The following FHDC1 variants were observed in gnomAD, a reference collection of about 807,000 sequenced individuals.
FHDC1 encodes FH2 domain containing 1.
Under a neutral mutation model 52.6 loss-of-function variants are expected in FHDC1, and 25 were observed. That is an observed-to-expected ratio of 0.48 (90% CI 0.35 to 0.66). The LOEUF is 0.66. Ranked by LOEUF, FHDC1 falls within the 30% of genes least tolerant of loss-of-function variation. The pLI is 0.01. For missense variants in FHDC1, 1,459 were observed against 1,452.8 expected (o/e 1.00, Z -0.07); for synonymous variants, 616 against 581.5 (o/e 1.06, Z -0.85).
At chr4:152,943,695 AG>A in intron 2 of FHDC1, 140 bp downstream of exon 2, 1 of 1,059,928 alleles carries the variant, frequency 9.4e-7, no homozygotes, top group Non-Finnish European at 1.3e-6. Flanking sequence ...AATGCTAGGC[AG>A]GGTCTTTACG....
At chr4:152,927,902 T>C in the FHDC1 span, 42 of 1,386,198 alleles carry the variant, frequency 3.0e-5, no homozygotes, top group African/African-American at 4.3e-4. Context: ...GGTGAAGCTG[T>C]TGGCAGGAGC....
chr4:152,954,141 T>G, intron 3 of FHDC1, 76 bp from the exon 4 acceptor site: 1 of 1,302,898 alleles, frequency 7.7e-7, no homozygotes, highest in Non-Finnish European at 1.1e-6. Context: ...TGGAGGAGAT[T>G]TAATTTCCAC....
Position 152,976,600 on chromosome 4 carries a change from G to A in FHDC1, c.3309G>A (p.Glu1103=). 1.2e-6 allele frequency: 2 copies of A among 1,611,882 alleles called. No individual in the cohort carries two copies. Among genetic ancestry groups the A allele is most frequent in the Non-Finnish European group, 1.7e-6 (2 of 1,179,322 alleles). ...CCAAGAAGCGCCCAGAGTCTGCGGAGGGTCCCAGTGCCAACACGGAGGCCC... is the reference window on the plus strand; with the variant it reads ...CCAAGAAGCGCCCAGAGTCTGCGGAAGGTCCCAGTGCCAACACGGAGGCCC... ...RAPKKRPESA[E]GPSANTEAPL... is the part of the protein sequence containing the mutation. The change falls in exon 12 of 12, where the codon GAG becomes GAA. Residue 1103 remains glutamate, a synonymous_variant. Transcript: ENST00000511601.
chr4:152,949,262 G>A (rs935565453), intron 2 of FHDC1, among the ~76,000 whole-genome samples: 4 of 151,904 alleles, frequency 2.6e-5, no homozygotes, highest in Non-Finnish European at 4.4e-5. Flanking sequence ...GATAGCTTGC[G>A]GCCAGGAATT....
In FHDC1 at chr4:152,976,799, G is replaced by A. The variant is rs1740907134; in HGVS notation, c.*76G>A. ...TTCTGGGACGAGGATGGGGAAAGAG[G>A]CAGCATGTCTTTGTTACAGATAAAG... On this transcript the variant is annotated 3_prime_UTR_variant, in exon 12 of 12. Transcript: ENST00000511601. 2.1e-6 allele frequency: 3 copies of A among 1,434,216 alleles called. No individual in the cohort carries two copies. Among genetic ancestry groups the A allele is most frequent in the African/African-American group, 1.4e-5 (1 of 69,476 alleles). The allele number at this position is 1,434,216 out of a possible 1,614,324, so 88.8% of individuals were successfully genotyped here.
rs757984746 is a variant in FHDC1 at position 152,943,548 on chromosome 4, G to A, written c.491G>A (p.Arg164Gln). The change falls in exon 2 of 12, where the codon CGA (arginine) becomes CAA (glutamine). Residue 164 changes from arginine to glutamine, a missense_variant. By Grantham distance (43) the Arg-to-Gln change is conservative (BLOSUM62 1). This residue lies in a region of FHDC1 where 513 missense variants were observed against 581.5 expected (regional missense o/e 0.88). Transcript: ENST00000511601. ...RTLNSSFREA[R>Q]EEITILDAKR... is the part of the protein sequence containing the mutation. Reference sequence around the variant, plus strand: ...TTAAATTCATCCTTCAGAGAAGCTCGAGAAGAGGTAAGAATGCAAGGTGGA... The same window carrying A: ...TTAAATTCATCCTTCAGAGAAGCTCAAGAAGAGGTAAGAATGCAAGGTGGA... 3 of 1,610,984 alleles carry A rather than the reference G, an allele frequency of 1.9e-6. No individual in the cohort carries two copies. The highest frequency in any genetic ancestry group is 2.5e-6 in the Non-Finnish European group (3 of 1,178,448).
chr4:152,962,654 A>G (rs151258775), intron 6 of FHDC1, among the ~76,000 whole-genome samples, 160 bp from the exon 7 acceptor site: 60 of 152,360 alleles, frequency 3.9e-4, no homozygotes, highest in Non-Finnish European at 8.2e-4. Context: ...TGTGTTAGGT[A>G]TCCCATAGAA....
intron 1 of FHDC1, among the ~76,000 whole-genome samples, chr4:152,940,010 A>G (rs1183763186): frequency 6.6e-6 from 1 of 152,216 alleles, no homozygotes. Flanking sequence ...GCGTTCTCCT[A>G]GCGTACCTGG....
the FHDC1 span, among the ~76,000 whole-genome samples, chr4:152,930,997 A>ACACTCTTTCT: frequency 8.8e-6 from 1 of 113,146 alleles, no homozygotes; most frequent in Non-Finnish European, 1.9e-5. Flanking sequence ...ACACACACAC[A>ACACTCTTTCT]CTCTCTCTCT....
chr4:152,944,313 C>A (rs1342262958), intron 2 of FHDC1, among the ~76,000 whole-genome samples: 1 of 151,386 alleles, frequency 6.6e-6, no homozygotes, highest in Admixed American at 6.6e-5. Context: ...AGTTTAGAAA[C>A]TTGAAGAAAC....
chr4:152,977,756 A>G lies in FHDC1; in HGVS notation c.*1033A>G, dbSNP rs553735577. On this transcript the variant is annotated 3_prime_UTR_variant, in exon 12 of 12. Coordinates refer to ENST00000511601, the MANE Select transcript of FHDC1 (RefSeq NM_001371116.1). ...GTGTGAGCCACCACACTTGGCCAGT[A>G]TATCCTCAGTATGAAGATATTTTTA... 6 of 152,302 alleles carry G rather than the reference A, an allele frequency of 3.9e-5. No homozygotes were observed. The highest frequency in any genetic ancestry group is 7.2e-5 in the African/African-American group (3 of 41,558). 9.4% of individuals were successfully genotyped at this position (152,302 alleles called of 1,614,324 possible). A position where few individuals can be genotyped will look rare whatever the true frequency, so the allele number is the denominator to read the frequency against.
Position 152,943,146 on chromosome 4 carries a change from C to T in FHDC1, c.89C>T (p.Pro30Leu), listed in dbSNP as rs759971141. 33 of 1,613,814 alleles carry T rather than the reference C, an allele frequency of 2.0e-5. No individual in the cohort carries two copies. In the Admixed American group the frequency reaches 3.2e-4, roughly 15 times the overall value. Reference protein sequence around the residue: ...TAPGFMIGQTPPPAPPPPPPP... With the variant: ...TAPGFMIGQTLPPAPPPPPPP... ...CCTGGATTCATGATTGGGCAGACAC[C>T]TCCTCCAGCACCTCCTCCACCTCCT... The change falls in exon 2 of 12, where the codon CCT becomes CTT. Residue 30 changes from proline to leucine, a missense_variant. Pro to Leu is a moderately conservative substitution (Grantham distance 98). Coordinates refer to ENST00000511601, the MANE Select transcript of FHDC1 (RefSeq NM_001371116.1).
chr4:152,913,908 T>A, the FHDC1 span, among the ~76,000 whole-genome samples: 1 of 152,190 alleles, frequency 6.6e-6, no homozygotes, highest in African/African-American at 2.4e-5. Context: ...CTCGAACTCC[T>A]GACCTCAGGT....
intron 1 of FHDC1, among the ~76,000 whole-genome samples, chr4:152,936,755 G>C (rs1230706337): frequency 6.6e-6 from 1 of 152,266 alleles, no homozygotes; most frequent in South Asian, 2.1e-4. Context: ...GTCGCACCTG[G>C]GCGGTTGACT....
At chr4:152,916,577 A>T in the FHDC1 span, among the ~76,000 whole-genome samples, 55 of 139,178 alleles carry the variant, frequency 4.0e-4, no homozygotes, top group African/African-American at 1.2e-3. Flanking sequence ...TAATAACATT[A>T]AAAAAAAAAA....
the FHDC1 span, among the ~76,000 whole-genome samples, chr4:152,912,952 C>G: frequency 1.3e-5 from 2 of 152,120 alleles, no homozygotes; most frequent in Non-Finnish European, 2.9e-5. Flanking sequence ...TGAAGCTTAT[C>G]CTATAGAGTG....
At position 152,974,825 on chromosome 4, in the gene FHDC1, G is replaced by C; in HGVS notation, c.1534G>C (p.Ala512Pro). 6.3e-7 allele frequency: 1 copy of C among 1,590,528 alleles called. No homozygotes were observed. Among genetic ancestry groups the C allele is most frequent in the Non-Finnish European group, 8.6e-7 (1 of 1,164,934 alleles). Residue 512 changes from alanine (A) to proline (P), a missense_variant, in exon 12 of 12, where the codon GCA becomes CCA. Physicochemically the swap from Ala to Pro is conservative, Grantham distance 27 (BLOSUM62 -1). Coordinates refer to ENST00000511601, the MANE Select transcript of FHDC1 (RefSeq NM_001371116.1). Reference sequence around the variant, plus strand: ...TGTGGAGCTGCTGACCAAGAAGGGTGCAGAGGGCCTGCTCCCTTTCCTGCA... The same window carrying C: ...TGTGGAGCTGCTGACCAAGAAGGGTCCAGAGGGCCTGCTCCCTTTCCTGCA... The part of the protein sequence containing the change: ...NDVELLTKKG[A>P]EGLLPFLHPR...
In FHDC1 at chr4:152,978,664, T is replaced by C. The variant is rs919042488; in HGVS notation, c.*1941T>C. The C allele has an allele frequency of 6.6e-6, 1 of 152,204 alleles. No homozygotes were observed. The highest frequency in any genetic ancestry group is 1.9e-4 in the East Asian group (1 of 5,204). The allele number at this position is 152,204 out of a possible 1,614,324, so 9.4% of individuals were successfully genotyped here. ...TTAAGAAACTTTTTTGTGTTTTTTTTAATTTTAGGTCACTTATTAGTGAAA... is the reference window on the plus strand; with the variant it reads ...TTAAGAAACTTTTTTGTGTTTTTTTCAATTTTAGGTCACTTATTAGTGAAA... On this transcript the variant is annotated 3_prime_UTR_variant, in exon 12 of 12. Transcript: ENST00000511601.
At chr4:152,927,779 C>A in the FHDC1 span, 7 of 1,396,068 alleles carry the variant, frequency 5.0e-6, no homozygotes, top group Non-Finnish European at 7.1e-6. Flanking sequence ...ACTGAAAGAA[C>A]TGAAGGAATA....
Sources: allele counts gnomAD v4.1 joint callset (sites outside exome capture counted in the v4.1 genomes callset), GRCh38; gene constraint gnomAD v4.1.1; regional missense constraint gnomAD v4.1.1; transcripts MANE v1.5; gene names NCBI Gene and HGNC (gene_info 2026-07-23, HGNC 2026-07-21).